BBOX1: variants seen among roughly 807,000 people sequenced by gnomAD.
BBOX1 encodes gamma-butyrobetaine dioxygenase.
A neutral mutation model predicts 41.6 loss-of-function variants in BBOX1; 35 were observed. The ratio of observed to expected loss-of-function variants is 0.84; its 90% CI spans 0.64 to 1.11. BBOX1 has a LOEUF of 1.11. BBOX1 is among the 50% of genes most tolerant of loss of function. BBOX1 has a pLI of 0.00. For missense variants in BBOX1, 458 were observed against 460.6 expected (o/e 0.99, Z 0.05); for synonymous variants, 163 against 154.7 (o/e 1.05, Z -0.40).
intron 4 of BBOX1, among the ~76,000 whole-genome samples, chr11:27,067,983 A>G (rs1192231576): frequency 6.6e-6 from 1 of 152,006 alleles, no homozygotes; most frequent in Non-Finnish European, 1.5e-5. Context: ...TCATTAGTCG[A>G]TGGGCACTTA....
intron 6 of BBOX1, among the ~76,000 whole-genome samples, chr11:27,115,763 A>AAAC (rs542428675): frequency 1.1e-3 from 164 of 152,012 alleles, no homozygotes; most frequent in African/African-American, 3.4e-3. Context: ...CATTCATTTA[A>AAAC]AACAACAACA....
At chr11:27,103,560 CTTTG>C (rs1356158252) in intron 5 of BBOX1, among the ~76,000 whole-genome samples, 2 of 151,430 alleles carry the variant, frequency 1.3e-5, no homozygotes, top group Non-Finnish European at 2.9e-5. Flanking sequence ...CTAATTTATT[CTTTG>C]TTTAAGGAGT....
rs576942630 is a variant in BBOX1 at position 27,106,788 on chromosome 11, C to T, written c.534-8664C>T. Among the ~76,000 whole-genome samples, 4 of 152,190 alleles carry T rather than the reference C, an allele frequency of 2.6e-5. No individual in the cohort carries two copies. In the South Asian group the frequency reaches 8.3e-4, roughly 32 times the overall value. On this transcript the variant is annotated intron_variant, in intron 5 of 8. Transcript: ENST00000263182. ...CCCCCAAATCAACAGAATATACATT[C>T]TTCTCAGCACCACATCGCACTTACT...
chr11:27,047,026 A>G (rs1851506723), intron 2 of BBOX1, among the ~76,000 whole-genome samples: 2 of 152,048 alleles, frequency 1.3e-5, no homozygotes, highest in Non-Finnish European at 2.9e-5. Flanking sequence ...TGTTTTGATT[A>G]CCTTTCACGT....
At chr11:27,102,783 GTT>G (rs142432467) in intron 5 of BBOX1, among the ~76,000 whole-genome samples, 9,026 of 152,120 alleles carry the variant, frequency 0.059, 886 homozygotes, top group African/African-American at 0.21. Context: ...GTTGACAGCA[GTT>G]TTAAGGCCTT....
At chr11:27,068,246 G>A (rs1348941611) in intron 4 of BBOX1, among the ~76,000 whole-genome samples, 1 of 151,920 alleles carries the variant, frequency 6.6e-6, no homozygotes, top group South Asian at 2.1e-4. Flanking sequence ...GTTGTTTTTT[G>A]ACTTTTTAAT....
At chr11:27,100,542 A>G (rs1858610604) in intron 5 of BBOX1, among the ~76,000 whole-genome samples, 1 of 152,060 alleles carries the variant, frequency 6.6e-6, no homozygotes, top group African/African-American at 2.4e-5. Context: ...GGGACAAAAA[A>G]ACTCTTTAAA....
At chr11:27,113,638 C>T (rs1430564137) in intron 5 of BBOX1, among the ~76,000 whole-genome samples, 2 of 151,756 alleles carry the variant, frequency 1.3e-5, no homozygotes, top group African/African-American at 4.8e-5. Flanking sequence ...GAACACTAGA[C>T]ACCTGGGCCT....
chr11:27,065,878 T>C (rs1857266758), intron 4 of BBOX1, among the ~76,000 whole-genome samples: 1 of 152,162 alleles, frequency 6.6e-6, no homozygotes, highest in African/African-American at 2.4e-5. Flanking sequence ...TAAGACAATG[T>C]TAGTGCTAGA....
In BBOX1 at chr11:27,055,609, T is replaced by C; in HGVS notation, c.179T>C (p.Val60Ala). The C allele has an allele frequency of 6.2e-7, 1 of 1,614,110 alleles. No individual in the cohort carries two copies. Among genetic ancestry groups the C allele is most frequent in the Non-Finnish European group, 8.5e-7 (1 of 1,179,946 alleles). The change falls in exon 3 of 9, where the codon GTG (valine) becomes GCG (alanine). Residue 60 changes from valine to alanine, a missense_variant. Coordinates refer to ENST00000263182, the MANE Select transcript of BBOX1 (RefSeq NM_003986.3). ...AAACTTCTAGTGGAAGCTCTTGATG[T>C]GAACATTGGAATTAAAGGCTTGATA... is the stretch of plus-strand genomic sequence containing the variant. ...ARKLLVEALDVNIGIKGLIFD... is the reference protein window; with the variant it reads ...ARKLLVEALDANIGIKGLIFD...
At chr11:27,059,139 G>A (rs1310674919) in intron 4 of BBOX1, among the ~76,000 whole-genome samples, 1 of 152,136 alleles carries the variant, frequency 6.6e-6, no homozygotes, top group Non-Finnish European at 1.5e-5. Context: ...GTAGCCTCGG[G>A]AGGCAGCTCC....
intron 4 of BBOX1, 129 bp downstream of exon 4, chr11:27,057,444 T>C (rs893922437): frequency 6.9e-6 from 5 of 722,692 alleles, no homozygotes; most frequent in Non-Finnish European, 1.1e-5. Context: ...AATTATGTGG[T>C]GTATTTAAAG....
chr11:27,073,607 G>T (rs531557180), intron 4 of BBOX1, among the ~76,000 whole-genome samples: 9,659 of 149,220 alleles, frequency 0.065, 1,114 homozygotes, highest in African/African-American at 0.23. Flanking sequence ...AAAGATAAAT[G>T]CACACGTATG....
intron 2 of BBOX1, among the ~76,000 whole-genome samples, chr11:27,051,308 C>T (rs150966504): frequency 1.3e-5 from 2 of 151,844 alleles, no homozygotes; most frequent in Non-Finnish European, 2.9e-5. Context: ...TTTCAGTATT[C>T]TAGTCTGCCT....
At chr11:27,045,066 G>A (rs1318231497) in intron 2 of BBOX1, among the ~76,000 whole-genome samples, 2 of 152,154 alleles carry the variant, frequency 1.3e-5, no homozygotes, top group Non-Finnish European at 2.9e-5. Flanking sequence ...TATAAGCATG[G>A]AATGTTTTTC....
At chr11:27,087,075 A>T (rs182405768) in intron 4 of BBOX1, among the ~76,000 whole-genome samples, 1 of 152,120 alleles carries the variant, frequency 6.6e-6, no homozygotes, top group Non-Finnish European at 1.5e-5. Flanking sequence ...TTGAGATGGA[A>T]TCTACTCCTG....
intron 5 of BBOX1, among the ~76,000 whole-genome samples, chr11:27,114,532 T>C (rs1005206320): frequency 6.6e-6 from 1 of 151,868 alleles, no homozygotes; most frequent in Admixed American, 6.6e-5. Context: ...TAGTGTGATA[T>C]TGGCATAAGG....
chr11:27,048,881 A>G (rs574062144), intron 2 of BBOX1, among the ~76,000 whole-genome samples: 121 of 141,492 alleles, frequency 8.6e-4, no homozygotes, highest in African/African-American at 2.3e-3. Flanking sequence ...ATATCTCCCA[A>G]TGCTATCCCT....
chr11:27,067,452 G>A (rs1037521834), intron 4 of BBOX1, among the ~76,000 whole-genome samples: 4 of 151,636 alleles, frequency 2.6e-5, no homozygotes, highest in Non-Finnish European at 5.9e-5. Context: ...GTTGAGCTCC[G>A]GGCCAGGCGC....
Sources: allele counts gnomAD v4.1 joint callset (sites outside exome capture counted in the v4.1 genomes callset), GRCh38; gene constraint gnomAD v4.1.1; transcripts MANE v1.5; gene names NCBI Gene and HGNC (gene_info 2026-07-23, HGNC 2026-07-21).